FAM163B: variants seen among roughly 807,000 people sequenced by gnomAD.
FAM163B encodes protein FAM163B.
Under a neutral mutation model 7.6 loss-of-function variants are expected in FAM163B, and 4 were observed. The observed-to-expected ratio is 0.52, with a 90% confidence interval of 0.26 to 1.20. The LOEUF (loss-of-function observed/expected upper bound fraction) is 1.20, where lower values mean the gene tolerates loss of function less well. FAM163B is among the 50% of genes most tolerant of loss of function. The probability of loss-of-function intolerance (pLI) is 0.14; values close to 1 mark genes in which losing one functional copy is unlikely to be tolerated. For missense variants in FAM163B, 250 were observed against 243.0 expected (o/e 1.03, Z -0.19); for synonymous variants, 120 against 111.6 (o/e 1.07, Z -0.47).
rs904133514 is a variant in FAM163B at position 133,600,216 on chromosome 9, T to G, written c.-24+8861A>C. On this transcript the variant is annotated intron_variant, in intron 1 of 2. Coordinates refer to ENST00000673969, the MANE Select transcript of FAM163B (RefSeq NM_001080515.3). The surrounding 1 kb of genome is among the most constrained non-coding windows in gnomAD (Gnocchi z 4.9). ...AATGTGGTCTGTGTGAGTGTGTGTGTGTGGGGGGGAATGTGGTCTGTGTGC... is the reference window on the plus strand; with the variant it reads ...AATGTGGTCTGTGTGAGTGTGTGTGGGTGGGGGGGAATGTGGTCTGTGTGC... Among the ~76,000 whole-genome samples the G allele has an allele frequency of 8.7e-5, 13 of 149,672 alleles. No individual in the cohort carries two copies. Among genetic ancestry groups the G allele is most frequent in the South Asian group, 2.1e-4 (1 of 4,672 alleles).
At position 133,580,251 on chromosome 9, in the gene FAM163B, A is replaced by AAC. The variant is rs1831336134; in HGVS notation, c.-23-7_-23-6dup. On this transcript the variant is annotated splice_polypyrimidine_tract_variant and splice_region_variant and intron_variant, in intron 1 of 2. Transcript: ENST00000673969. ...GCCCCCTTCTCCATCAACAGCCTGC[A>AAC]ACACACGCCGCCAGCTTTAGAGCAT... 6.3e-7 allele frequency: 1 copy of AAC among 1,591,368 alleles called. No homozygotes were observed. Among genetic ancestry groups the AAC allele is most frequent in the South Asian group, 1.1e-5 (1 of 90,468 alleles).
intron 1 of FAM163B, among the ~76,000 whole-genome samples, chr9:133,590,065 C>CCCTTCCTTCCCCTTCCCTTCCCTT (rs1491173513): frequency 5.9e-5 from 1 of 16,856 alleles, no homozygotes. Flanking sequence ...CCCTTCCCTT[C>CCCTTCCTTCCCCTTCCCTTCCCTT]CCCTTCCCTT....
chr9:133,578,500 A>C lies in FAM163B; in HGVS notation c.*522T>G. Reference sequence around the variant, plus strand: ...GTGTGAGAGAGAGGGAGAGACGGGTAGGGGAGAGAGAGGGAAAAATGGAGA... The same window carrying C: ...GTGTGAGAGAGAGGGAGAGACGGGTCGGGGAGAGAGAGGGAAAAATGGAGA... On this transcript the variant is annotated 3_prime_UTR_variant, in exon 3 of 3. Transcript: ENST00000673969. The C allele has an allele frequency of 6.5e-6, 1 of 153,728 alleles. No homozygotes were observed. The highest frequency in any genetic ancestry group is 1.4e-5 in the Non-Finnish European group (1 of 69,114). The allele number at this position is 153,728 out of a possible 1,614,324, so 9.5% of individuals were successfully genotyped here.
At chr9:133,607,698 G>A (rs1831806778) in intron 1 of FAM163B, among the ~76,000 whole-genome samples, 1 of 152,202 alleles carries the variant, frequency 6.6e-6, no homozygotes, top group South Asian at 2.1e-4. Flanking sequence ...CTGGATCCAG[G>A]ATACAAAGAC....
At chr9:133,603,004 G>A (rs548253464) in intron 1 of FAM163B, among the ~76,000 whole-genome samples, 21 of 152,360 alleles carry the variant, frequency 1.4e-4, no homozygotes, top group African/African-American at 5.1e-4. Context: ...GGACTCCAGG[G>A]CGGAGGGGGG....
At position 133,601,915 on chromosome 9, in the gene FAM163B, G is replaced by A. The variant is rs1022551304; in HGVS notation, c.-24+7162C>T. On this transcript the variant is annotated intron_variant, in intron 1 of 2. Coordinates refer to ENST00000673969, the MANE Select transcript of FAM163B (RefSeq NM_001080515.3). This position sits in a 1 kb window ranked among gnomAD's most constrained non-coding sequence, Gnocchi z 4.1. ...AGGGAGGAAGGGACTCTGAGGGTTC[G>A]AGAAACAGGCAGTAGCCAGCACACA... Among the ~76,000 whole-genome samples, 3 of 152,218 alleles carry A rather than the reference G, an allele frequency of 2.0e-5. No homozygotes were observed. The highest frequency in any genetic ancestry group is 6.5e-5 in the Admixed American group (1 of 15,282).
intron 1 of FAM163B, among the ~76,000 whole-genome samples, chr9:133,598,635 G>A (rs552398682): frequency 3.9e-5 from 6 of 152,160 alleles, no homozygotes; most frequent in Admixed American, 1.3e-4. Flanking sequence ...GAGAGGGACC[G>A]CTTTCCCAGG....
intron 1 of FAM163B, among the ~76,000 whole-genome samples, chr9:133,590,635 C>T (rs1245821244): frequency 2.6e-5 from 4 of 152,196 alleles, no homozygotes; most frequent in Non-Finnish European, 4.4e-5. Context: ...CTCGCTGACT[C>T]AGCCTTACGG....
chr9:133,607,510 A>C lies in FAM163B; in HGVS notation c.-24+1567T>G, dbSNP rs74843418. Among the ~76,000 whole-genome samples the C allele has an allele frequency of 6.2e-3, 948 of 152,328 alleles. 7 individuals carry two copies. Among genetic ancestry groups the C allele is most frequent in the African/African-American group, 0.022 (912 of 41,568 alleles). ...TGGTGTCAGCACGTCCTGAGAGTCC[A>C]GCAATGCACCCTGGAGCTCCCACTC... On this transcript the variant is annotated intron_variant, in intron 1 of 2. Coordinates refer to ENST00000673969, the MANE Select transcript of FAM163B (RefSeq NM_001080515.3).
At chr9:133,591,814 T>C (rs1831556995) in intron 1 of FAM163B, among the ~76,000 whole-genome samples, 1 of 152,116 alleles carries the variant, frequency 6.6e-6, no homozygotes, top group Non-Finnish European at 1.5e-5. Context: ...AACCTGACCC[T>C]CACCCTAGGC....
rs994341567 is a variant in FAM163B at position 133,606,596 on chromosome 9, C to A, written c.-24+2481G>T. Reference sequence around the variant, plus strand: ...ACCCTCATTTTTGCAGATGGGGATGCGGAATGATGCACCCGTGGTCTGGCC... The same window carrying A: ...ACCCTCATTTTTGCAGATGGGGATGAGGAATGATGCACCCGTGGTCTGGCC... On this transcript the variant is annotated intron_variant, in intron 1 of 2. Transcript: ENST00000673969. This position sits in a 1 kb window ranked among gnomAD's most constrained non-coding sequence, Gnocchi z 4.0. 6.6e-6 allele frequency among the ~76,000 whole-genome samples: 1 copy of A among 152,196 alleles called. No individual in the cohort carries two copies. Among genetic ancestry groups the A allele is most frequent in the Non-Finnish European group, 1.5e-5 (1 of 68,036 alleles).
chr9:133,602,104 G>A (rs1427767212), intron 1 of FAM163B, among the ~76,000 whole-genome samples: 1 of 148,544 alleles, frequency 6.7e-6, no homozygotes, highest in East Asian at 2.0e-4. Context: ...CACACACAGA[G>A]CTTTAGCATT....
intron 1 of FAM163B, among the ~76,000 whole-genome samples, chr9:133,583,752 C>T (rs1472282528): frequency 6.6e-6 from 1 of 152,214 alleles, no homozygotes; most frequent in African/African-American, 2.4e-5. Context: ...CGGCTCAGGC[C>T]AGGTGCCCAG....
At chr9:133,587,739 G>A (rs965551976) in intron 1 of FAM163B, among the ~76,000 whole-genome samples, 5 of 152,094 alleles carry the variant, frequency 3.3e-5, no homozygotes, top group Non-Finnish European at 5.9e-5. Flanking sequence ...GGTGTGGCTG[G>A]GACTCTCAGG....
intron 1 of FAM163B, among the ~76,000 whole-genome samples, chr9:133,585,636 C>G (rs375623572): frequency 6.6e-6 from 1 of 152,232 alleles, no homozygotes; most frequent in Non-Finnish European, 1.5e-5. Flanking sequence ...CATCCAGCCC[C>G]GCGCCTTCCA....
intron 1 of FAM163B, among the ~76,000 whole-genome samples, chr9:133,591,214 C>A (rs1180776807): frequency 2.0e-5 from 3 of 152,258 alleles, no homozygotes; most frequent in Admixed American, 6.5e-5. Context: ...GTGGCAGGCA[C>A]CTGCTATGCC....
At chr9:133,587,688 T>G (rs941117441) in intron 1 of FAM163B, among the ~76,000 whole-genome samples, 2 of 151,888 alleles carry the variant, frequency 1.3e-5, no homozygotes, top group African/African-American at 4.8e-5. Context: ...GCCTGGTTGC[T>G]CCCTGGGCCT....
At chr9:133,592,599 C>G (rs1298733185) in intron 1 of FAM163B, among the ~76,000 whole-genome samples, 1 of 152,220 alleles carries the variant, frequency 6.6e-6, no homozygotes, top group African/African-American at 2.4e-5. Flanking sequence ...AAGGGCCTGC[C>G]CTCTGCCAAC....
At chr9:133,596,514 A>G (rs1182308333) in intron 1 of FAM163B, among the ~76,000 whole-genome samples, 1 of 152,130 alleles carries the variant, frequency 6.6e-6, no homozygotes, top group Admixed American at 6.5e-5. Context: ...AGGTGACACC[A>G]GTGATGAAGG....
Sources: gnomAD v4.1 joint callset for allele counts (sites outside exome capture counted in the v4.1 genomes callset) on GRCh38, gnomAD v4.1.1 for gene constraint, Gnocchi (gnomAD v3.1) non-coding constraint, MANE v1.5 for transcripts, NCBI Gene and HGNC (gene_info 2026-07-23, HGNC 2026-07-21) for gene names.